DHRSX: variants seen among roughly 807,000 people sequenced by gnomAD.
DHRSX encodes the protein polyprenol dehydrogenase.
In DHRSX, 31 loss-of-function variants were observed where a neutral mutation model predicts 34.0. That is an observed-to-expected ratio of 0.91 (90% CI 0.69 to 1.23). The LOEUF is 1.23. Among genes scored for constraint, DHRSX ranks in the 50% most tolerant of loss-of-function variants. The pLI, the probability that DHRSX is intolerant of heterozygous loss-of-function variation, is 0.00. For synonymous variants in DHRSX, 201 were observed against 183.8 expected (o/e 1.09, Z -0.76); for missense variants, 414 against 428.1 (o/e 0.97, Z 0.29).
At chrX:2,354,834 C>T (rs1348037894) in intron 3 of DHRSX, among the ~76,000 whole-genome samples, 1 of 152,102 alleles carries the variant, frequency 6.6e-6, no homozygotes, top group Non-Finnish European at 1.5e-5. Flanking sequence ...ACACGTGTGT[C>T]CATGTCTGAG....
chrX:2,241,996 T>C (rs1344346122), intron 6 of DHRSX, among the ~76,000 whole-genome samples: 1 of 152,122 alleles, frequency 6.6e-6, no homozygotes, highest in African/African-American at 2.4e-5. Flanking sequence ...TTGACTTCTC[T>C]TTAAAATCAT....
At chrX:2,386,598 C>T (rs756469757) in intron 3 of DHRSX, among the ~76,000 whole-genome samples, 23 of 152,286 alleles carry the variant, frequency 1.5e-4, no homozygotes, top group African/African-American at 5.3e-4. Context: ...TATCTGTGAT[C>T]TGTAATTCCA....
intron 3 of DHRSX, among the ~76,000 whole-genome samples, chrX:2,363,824 A>ATATCATGCTGCCATTTT (rs2042968267): frequency 6.6e-6 from 1 of 152,062 alleles, no homozygotes; most frequent in African/African-American, 2.4e-5. Flanking sequence ...CTGTTCTACG[A>ATATCATGCTGCCATTTT]ATAATAACAC....
At chrX:2,451,404 G>A (rs1406252106) in intron 1 of DHRSX, among the ~76,000 whole-genome samples, 1 of 152,150 alleles carries the variant, frequency 6.6e-6, no homozygotes, top group Non-Finnish European at 1.5e-5. Flanking sequence ...AGAAGCCTCT[G>A]ATAGGATGGG....
At chrX:2,330,103 A>G (rs1602955011) in intron 3 of DHRSX, among the ~76,000 whole-genome samples, 35 of 6,810 alleles carry the variant, frequency 5.1e-3, no homozygotes, top group Admixed American at 9.0e-3. Context: ...GGAGGGAGGG[A>G]GAGAGAGAGA....
chrX:2,293,826 G>A (rs2041896220), intron 3 of DHRSX, among the ~76,000 whole-genome samples: 1 of 152,042 alleles, frequency 6.6e-6, no homozygotes, highest in South Asian at 2.1e-4. Flanking sequence ...TGTGGTGGGG[G>A]GAGGGGTCTG....
At chrX:2,291,472 C>G (rs766276007) in intron 4 of DHRSX, 30 bp downstream of exon 4, 1 of 1,566,494 alleles carries the variant, frequency 6.4e-7, no homozygotes, top group Non-Finnish European at 8.8e-7. Flanking sequence ...AAATTAACCC[C>G]TGGCTTGCTG....
intron 3 of DHRSX, among the ~76,000 whole-genome samples, chrX:2,360,955 T>C (rs2042926069): frequency 6.6e-6 from 1 of 152,292 alleles, no homozygotes; most frequent in Admixed American, 6.5e-5. Flanking sequence ...ATTTGGGGAA[T>C]GAGGAAATGG....
chrX:2,321,887 T>C (rs2042316314), intron 3 of DHRSX, among the ~76,000 whole-genome samples: 1 of 152,096 alleles, frequency 6.6e-6, no homozygotes, highest in African/African-American at 2.4e-5. Flanking sequence ...ATGAAGACCT[T>C]CATGACGATC....
chrX:2,316,537 G>GCAAGACT (rs1185751799), intron 3 of DHRSX, among the ~76,000 whole-genome samples: 1 of 151,968 alleles, frequency 6.6e-6, no homozygotes, highest in African/African-American at 2.4e-5. Context: ...GGGTGATAGA[G>GCAAGACT]CAAGACTCTG....
chrX:2,282,821 AGG>A (rs1385184881), intron 4 of DHRSX, among the ~76,000 whole-genome samples: 3,152 of 114,756 alleles, frequency 0.027, 173 homozygotes, highest in African/African-American at 0.1. Flanking sequence ...AAAGAGAGAG[AGG>A]GAGAGAGAGG....
Position 2,324,499 on chromosome X carries a change from C to G in DHRSX, c.287-32896G>C, listed in dbSNP as rs142723689. Among the ~76,000 whole-genome samples, 702 of 152,238 alleles carry G rather than the reference C, an allele frequency of 4.6e-3. 6 individuals carry two copies. Among genetic ancestry groups the G allele is most frequent in the African/African-American group, 0.016 (674 of 41,556 alleles). On this transcript the variant is annotated intron_variant, in intron 3 of 6. Coordinates refer to ENST00000334651, the MANE Select transcript of DHRSX (RefSeq NM_145177.3). ...TGGATTTTGTGTGCACGTCTTCCAG[C>G]CCTTGAGCTGCTTGACCTGTGCTTG...
At chrX:2,488,483 C>G in intron 1 of DHRSX, 1 of 1,089,738 alleles carries the variant, frequency 9.2e-7, no homozygotes. Context: ...CCCTCTCTCA[C>G]TTCTCAAATC....
At chrX:2,274,245 C>T (rs951285817) in intron 4 of DHRSX, among the ~76,000 whole-genome samples, 1 of 151,868 alleles carries the variant, frequency 6.6e-6, no homozygotes, top group African/African-American at 2.4e-5. Flanking sequence ...ACCATGTTGG[C>T]CAGGCTGCTC....
At chrX:2,406,443 G>T (rs868070211) in intron 3 of DHRSX, among the ~76,000 whole-genome samples, 1 of 147,232 alleles carries the variant, frequency 6.8e-6, no homozygotes, top group Non-Finnish European at 1.5e-5. Flanking sequence ...TTTGTTTTTT[G>T]TTTTTTTTTT....
At chrX:2,372,142 G>A (rs1272077563) in intron 3 of DHRSX, among the ~76,000 whole-genome samples, 1 of 152,072 alleles carries the variant, frequency 6.6e-6, no homozygotes, top group Non-Finnish European at 1.5e-5. Context: ...AACTCCCAGG[G>A]CTACTTACTA....
chrX:2,387,026 G>A (rs1414466763), intron 3 of DHRSX, among the ~76,000 whole-genome samples: 2 of 151,954 alleles, frequency 1.3e-5, no homozygotes, highest in South Asian at 2.1e-4. Flanking sequence ...TTACTAGCAC[G>A]AGAACTTAGA....
At chrX:2,470,230 G>A (rs766726647) in intron 1 of DHRSX, among the ~76,000 whole-genome samples, 153 of 151,282 alleles carry the variant, frequency 1.0e-3, no homozygotes, top group Non-Finnish European at 1.8e-3. Flanking sequence ...GTGGTTGCCA[G>A]GGAAGAATGC....
At chrX:2,356,142 G>A (rs953844322) in intron 3 of DHRSX, among the ~76,000 whole-genome samples, 12 of 151,972 alleles carry the variant, frequency 7.9e-5, no homozygotes, top group East Asian at 1.9e-4. Flanking sequence ...TTGGGAGGCC[G>A]AGGCAGGCAG....
Sources: gnomAD v4.1 joint callset for allele counts (sites outside exome capture counted in the v4.1 genomes callset) on GRCh38, gnomAD v4.1.1 for gene constraint, MANE v1.5 for transcripts, NCBI Gene and HGNC (gene_info 2026-07-23, HGNC 2026-07-21) for gene names.